CENPE: variants seen among roughly 807,000 people sequenced by gnomAD.
CENPE encodes centromere protein E, also known as centromere-associated protein E.
CENPE carries 145 observed loss-of-function variants against 336.1 expected under a neutral mutation model. The ratio of observed to expected loss-of-function variants is 0.43; its 90% CI spans 0.38 to 0.50. CENPE has a LOEUF of 0.50. Ranked by LOEUF, CENPE falls within the 20% of genes least tolerant of loss-of-function variation. CENPE has a pLI of 0.00. For missense variants in CENPE, 2,719 were observed against 3,023.3 expected (o/e 0.90, Z 2.36); for synonymous variants, 1,013 against 984.8 (o/e 1.03, Z -0.54).
chr4:103,164,339 C>A (rs1578641851), intron 16 of CENPE, among the ~76,000 whole-genome samples: 1 of 152,034 alleles, frequency 6.6e-6, no homozygotes, highest in East Asian at 1.9e-4. Context: ...TCTTCATAAT[C>A]AGATGAGCAC....
intron 46 of CENPE, among the ~76,000 whole-genome samples, chr4:103,114,133 T>C (rs534590136): frequency 1.3e-5 from 2 of 152,300 alleles, no homozygotes; most frequent in East Asian, 3.9e-4. Flanking sequence ...TTCGTTTTAT[T>C]GGGAAGCATA....
chr4:103,144,340 A>G lies in CENPE; in HGVS notation c.5136T>C (p.Thr1712=). 1 of 1,602,014 alleles carries G rather than the reference A, an allele frequency of 6.2e-7. No homozygotes were observed. The highest frequency in any genetic ancestry group is 8.5e-7 in the Non-Finnish European group (1 of 1,176,264). The change falls in exon 33 of 49, where the codon ACT becomes ACC. Residue 1712 remains threonine (T), a synonymous_variant. Coordinates refer to ENST00000265148, the MANE Select transcript of CENPE (RefSeq NM_001813.3). ...RDQLKENLRE[T]ITRDLEKQEE... ...AGAGATGGTAACTCACTCTAGTTAT[A>G]GTTTCTCTAAGGTTTTCCTTGAGCT...
intron 15 of CENPE, 37 bp downstream of exon 15, chr4:103,175,923 G>A: frequency 8.1e-7 from 1 of 1,241,454 alleles, no homozygotes; most frequent in Non-Finnish European, 1.1e-6. Context: ...TTTAAAAAGA[G>A]TAAAAGCATT....
At chr4:103,149,707 T>C (rs1404334285) in intron 26 of CENPE, among the ~76,000 whole-genome samples, 2 of 152,142 alleles carry the variant, frequency 1.3e-5, no homozygotes, top group Non-Finnish European at 2.9e-5. Context: ...AGTGTATTTA[T>C]AAGAGACATA....
chr4:103,197,194 A>C (rs991812880), intron 1 of CENPE, among the ~76,000 whole-genome samples: 12 of 152,316 alleles, frequency 7.9e-5, no homozygotes, highest in African/African-American at 2.6e-4. Flanking sequence ...GTCCTAGATC[A>C]TGTCATTTCT....
At chr4:103,157,381 C>T (rs374689550) in intron 24 of CENPE, among the ~76,000 whole-genome samples, 1 of 151,874 alleles carries the variant, frequency 6.6e-6, no homozygotes, top group East Asian at 1.9e-4. Context: ...CAAACTGTGG[C>T]ATATACATAT....
Position 103,136,359 on chromosome 4 carries a change from C to G in CENPE, c.6304G>C (p.Glu2102Gln), listed in dbSNP as rs779968105. ...SLREKCSRIK[E>Q]LLKRYSEMDD... ...ATCTCTGAGTATCTCTTCAAAAGCT[C>G]CTAAAGGAAATGAGAATTCACTCAA... The change falls in exon 40 of 49, where the codon GAG (glutamate) becomes CAG (glutamine). Residue 2102 changes from glutamate (E) to glutamine (Q), a missense_variant and splice_region_variant. Physicochemically the swap from Glu to Gln is conservative, Grantham distance 29 (BLOSUM62 2). Coordinates refer to ENST00000265148, the MANE Select transcript of CENPE (RefSeq NM_001813.3). The G allele has an allele frequency of 1.1e-5, 17 of 1,596,236 alleles. No homozygotes were observed. In the Admixed American group the frequency reaches 2.6e-4, roughly 24 times the overall value.
At chr4:103,176,131 C>A (rs1044679862) in intron 14 of CENPE, 83 bp from the exon 15 acceptor site, 1 of 766,560 alleles carries the variant, frequency 1.3e-6, no homozygotes, top group South Asian at 1.8e-5. Flanking sequence ...TAAAAAAATT[C>A]TTATCAGAGA....
At chr4:103,176,170 T>A (rs897249135) in intron 14 of CENPE, 122 bp from the exon 15 acceptor site, 16 of 558,016 alleles carry the variant, frequency 2.9e-5, no homozygotes, top group Middle Eastern at 4.7e-4. Flanking sequence ...AACTACTATG[T>A]GCTCAGAGTA....
intron 46 of CENPE, among the ~76,000 whole-genome samples, chr4:103,113,329 T>C (rs1200503303): frequency 7.0e-6 from 1 of 143,324 alleles, no homozygotes; most frequent in Non-Finnish European, 1.5e-5. Context: ...TAAAAAAGTA[T>C]GTATGAGTAT....
intron 24 of CENPE, among the ~76,000 whole-genome samples, chr4:103,157,395 G>T (rs1754052579): frequency 6.6e-6 from 1 of 151,840 alleles, no homozygotes; most frequent in African/African-American, 2.4e-5. Flanking sequence ...TACATATAAT[G>T]GAAATTTACT....
At chr4:103,141,989 T>A in intron 34 of CENPE, 81 bp from the exon 35 acceptor site, 1 of 859,474 alleles carries the variant, frequency 1.2e-6, no homozygotes, top group Non-Finnish European at 1.8e-6. Flanking sequence ...ATTTTCTTAG[T>A]AAAAATAATA....
In CENPE at chr4:103,106,290, C is replaced by T. The variant is rs1748893485; in HGVS notation, c.8038G>A (p.Val2680Met). 3 of 1,600,404 alleles carry T rather than the reference C, an allele frequency of 1.9e-6. No homozygotes were observed. In the African/African-American group the frequency reaches 4.0e-5, roughly 21 times the overall value. ...TGCCAAGGACCTGGCTGAGAATCCA[C>T]ACTCTCTGCTCCTGCATTTTGCACC... ...PEVQNAGAES[V>M]DSQPGPWHAS... The change falls in exon 49 of 49, where the codon GTG (valine) becomes ATG (methionine). Residue 2680 changes from valine (V) to methionine (M), a missense_variant. Transcript: ENST00000265148.
rs1482316655 is a variant in CENPE at position 103,138,354 on chromosome 4, T to C, written c.6300A>G (p.Ile2100Met). ...TESLREKCSR[I>M]KELLKRYSEM... ...AGTTTTAACAGGGGGTACTTACTTT[T>C]ATTCTAGAGCACTTTTCTCTCAGGC... Residue 2100 changes from isoleucine (I) to methionine (M), a missense_variant, in exon 39 of 49, where the codon ATA becomes ATG. Ile to Met is a conservative substitution (Grantham distance 10). Around this residue, in one of 5 missense-constraint regions of CENPE, gnomAD observed 2,437 missense variants for 2,513.3 expected, o/e 0.97. Transcript: ENST00000265148. 6.2e-7 allele frequency: 1 copy of C among 1,604,560 alleles called. No individual in the cohort carries two copies. The highest frequency in any genetic ancestry group is 8.5e-7 in the Non-Finnish European group (1 of 1,171,300).
In CENPE at chr4:103,145,686, A is replaced by G. The variant is rs1228710026; in HGVS notation, c.4414-5T>C. The G allele has an allele frequency of 4.5e-6, 7 of 1,571,054 alleles. No individual in the cohort carries two copies. The highest frequency in any genetic ancestry group is 6.0e-6 in the Non-Finnish European group (7 of 1,166,930). ...TTCCTCTTCAGTTTCCAGGTGCTTT[A>G]TTATTAGAGGAAATTCCAATAAATT... On this transcript the variant is annotated splice_region_variant and splice_polypyrimidine_tract_variant and intron_variant, in intron 30 of 48. Transcript: ENST00000265148.
intron 26 of CENPE, among the ~76,000 whole-genome samples, chr4:103,150,259 G>C (rs1753426757): frequency 6.6e-6 from 1 of 152,074 alleles, no homozygotes; most frequent in Non-Finnish European, 1.5e-5. Flanking sequence ...GATAGTGAAA[G>C]GGATCAGAAT....
intron 28 of CENPE, among the ~76,000 whole-genome samples, chr4:103,147,902 C>G (rs1428312315): frequency 6.6e-6 from 1 of 152,088 alleles, no homozygotes; most frequent in Non-Finnish European, 1.5e-5. Context: ...CCATGTTGGC[C>G]AGGCTGGTCT....
intron 25 of CENPE, 73 bp downstream of exon 25, chr4:103,152,974 C>T: frequency 9.1e-7 from 1 of 1,097,128 alleles, no homozygotes; most frequent in Non-Finnish European, 1.3e-6. Context: ...AATTATACCT[C>T]AATAAAGTTG....
chr4:103,148,903 T>C lies in CENPE; in HGVS notation c.3784A>G (p.Thr1262Ala). 2 of 1,613,392 alleles carry C rather than the reference T, an allele frequency of 1.2e-6. No individual in the cohort carries two copies. The highest frequency in any genetic ancestry group is 1.7e-6 in the Non-Finnish European group (2 of 1,179,414). The change falls in exon 28 of 49, where the codon ACA becomes GCA. Residue 1262 changes from threonine (T) to alanine (A), a missense_variant. By Grantham distance (58) the Thr-to-Ala change is moderately conservative. Coordinates refer to ENST00000265148, the MANE Select transcript of CENPE (RefSeq NM_001813.3). ...TCCTGAGTATTTATTATTTGAGCTG[T>C]CTTCTCAGATACGCTTCTTCTTAGT... is the stretch of plus-strand genomic sequence containing the variant. ...DELRRSVSEK[T>A]AQIINTQDLE...
Sources: allele counts gnomAD v4.1 joint callset (sites outside exome capture counted in the v4.1 genomes callset), GRCh38; gene constraint gnomAD v4.1.1; regional missense constraint gnomAD v4.1.1; transcripts MANE v1.5; gene names NCBI Gene and HGNC (gene_info 2026-07-23, HGNC 2026-07-21).